TNS3: variants seen among roughly 807,000 people sequenced by gnomAD.
TNS3 encodes tensin 3.
A neutral mutation model predicts 140.9 loss-of-function variants in TNS3; 45 were observed. That is an observed-to-expected ratio of 0.32 (90% CI 0.25 to 0.41). The LOEUF (loss-of-function observed/expected upper bound fraction) is 0.41. TNS3 is among the 10% of genes least tolerant of loss of function. The pLI is 1.00. For synonymous variants in TNS3, 815 were observed against 788.4 expected (o/e 1.03, Z -0.56); for missense variants, 1,716 against 1,906.7 (o/e 0.90, Z 1.86).
At chr7:47,308,206 T>A (rs980175538) in intron 20 of TNS3, among the ~76,000 whole-genome samples, 2 of 152,338 alleles carry the variant, frequency 1.3e-5, no homozygotes, top group African/African-American at 4.8e-5. Context: ...GTTGAGACTA[T>A]CTATTCTTCA....
intron 16 of TNS3, among the ~76,000 whole-genome samples, chr7:47,380,769 C>T (rs113496472): frequency 5.6e-5 from 8 of 143,608 alleles, no homozygotes; most frequent in Non-Finnish European, 1.2e-4. Flanking sequence ...TGCACGCGCG[C>T]GCACACACAC....
chr7:47,459,798 G>A (rs80224796), intron 4 of TNS3, among the ~76,000 whole-genome samples: 41 of 152,260 alleles, frequency 2.7e-4, no homozygotes, highest in African/African-American at 6.3e-4. Context: ...AGGTAGCACC[G>A]TCCTCCTCCC....
intron 3 of TNS3, among the ~76,000 whole-genome samples, chr7:47,483,446 G>A (rs1180504236): frequency 6.6e-6 from 1 of 152,192 alleles, no homozygotes; most frequent in Non-Finnish European, 1.5e-5. Flanking sequence ...TGGGATTACA[G>A]GCGTGAGCCA....
Position 47,303,536 on chromosome 7 carries a change from C to T in TNS3, c.2871G>A (p.Met957Ile). 6.2e-7 allele frequency: 1 copy of T among 1,605,042 alleles called. No homozygotes were observed. Among genetic ancestry groups the T allele is most frequent in the Non-Finnish European group, 8.5e-7 (1 of 1,178,774 alleles). Reference sequence around the variant, plus strand: ...GCCGGCCGCTCCCCAGCAGGGAAACCATGGGCTTGGGGCTGCTCTCCACCC... The same window carrying T: ...GCCGGCCGCTCCCCAGCAGGGAAACTATGGGCTTGGGGCTGCTCTCCACCC... ...RQWVESSPKP[M>I]VSLLGSGRPT... The change falls in exon 22 of 31, where the codon ATG becomes ATA. Residue 957 changes from methionine (M) to isoleucine (I), a missense_variant. Met to Ile is a conservative substitution (Grantham distance 10). Coordinates refer to ENST00000311160, the MANE Select transcript of TNS3 (RefSeq NM_022748.12).
At chr7:47,493,573 C>T (rs2151835447) in intron 3 of TNS3, among the ~76,000 whole-genome samples, 1 of 151,690 alleles carries the variant, frequency 6.6e-6, no homozygotes, top group African/African-American at 2.4e-5. Context: ...AATCCCAGCA[C>T]TTTGGGAGGC....
intron 1 of TNS3, among the ~76,000 whole-genome samples, chr7:47,540,491 A>G (rs1209856493): frequency 6.6e-6 from 1 of 152,168 alleles, no homozygotes; most frequent in Non-Finnish European, 1.5e-5. Context: ...GTCACTGGAA[A>G]CTGGAGGCTG....
At chr7:47,565,357 G>A (rs1233945439) in intron 1 of TNS3, among the ~76,000 whole-genome samples, 1 of 150,434 alleles carries the variant, frequency 6.6e-6, no homozygotes, top group Non-Finnish European at 1.5e-5. Context: ...TTACAGGCAT[G>A]AGCCACCGCG....
chr7:47,454,308 G>A (rs1796155246), intron 4 of TNS3, among the ~76,000 whole-genome samples: 1 of 152,224 alleles, frequency 6.6e-6, no homozygotes, highest in Non-Finnish European at 1.5e-5. Flanking sequence ...AGACACAGCA[G>A]TGACGGCAGG....
intron 28 of TNS3, among the ~76,000 whole-genome samples, chr7:47,282,497 G>A (rs541784726): frequency 1.4e-3 from 214 of 151,738 alleles, no homozygotes; most frequent in Admixed American, 2.8e-3. Context: ...CCCTGACCCT[G>A]AGAACACAGT....
At chr7:47,343,813 T>C (rs1169105362) in intron 20 of TNS3, among the ~76,000 whole-genome samples, 1 of 152,196 alleles carries the variant, frequency 6.6e-6, no homozygotes, top group African/African-American at 2.4e-5. Context: ...ATATGCTACA[T>C]ATGAAGAGAG....
chr7:47,432,545 G>T (rs1324816363), intron 8 of TNS3, among the ~76,000 whole-genome samples: 1 of 152,200 alleles, frequency 6.6e-6, no homozygotes, highest in Non-Finnish European at 1.5e-5. Flanking sequence ...TGCAAACTCT[G>T]CCAGAAAGCT....
In TNS3 at chr7:47,525,890, C is replaced by T. The variant is rs7782968; in HGVS notation, c.-153+3146G>A. ...GCCACATATTTAAAATACCACAAAA[C>T]AGAGTTCATTTGGAACCAGAGGATC... On this transcript the variant is annotated intron_variant, in intron 2 of 30. Transcript: ENST00000311160. 8.6e-3 allele frequency among the ~76,000 whole-genome samples: 1,310 copies of T among 152,326 alleles called. 15 individuals carry two copies. Among genetic ancestry groups the T allele is most frequent in the African/African-American group, 0.031 (1,271 of 41,564 alleles).
At chr7:47,438,039 AAATAATAATAAT>A (rs56039512) in intron 6 of TNS3, among the ~76,000 whole-genome samples, 19,352 of 147,610 alleles carry the variant, frequency 0.13, 1,888 homozygotes, top group African/African-American at 0.27. Context: ...TTCAAAATGA[AAATAATAATAAT>A]AATAATAATA....
chr7:47,486,065 A>AGTGT (rs1052327250), intron 3 of TNS3, among the ~76,000 whole-genome samples: 2 of 148,314 alleles, frequency 1.3e-5, no homozygotes, highest in Non-Finnish European at 3.0e-5. Flanking sequence ...TGTGTGGGTG[A>AGTGT]GTGTGTGTGT....
intron 2 of TNS3, among the ~76,000 whole-genome samples, chr7:47,526,559 A>T (rs334524): frequency 0.59 from 90,358 of 152,172 alleles, 29,561 homozygotes; most frequent in Non-Finnish European, 0.72. Flanking sequence ...TGTCAGGGGC[A>T]GGGCCAGGAC....
chr7:47,454,836 T>A (rs529284976), intron 4 of TNS3, among the ~76,000 whole-genome samples: 1 of 152,222 alleles, frequency 6.6e-6, no homozygotes, highest in East Asian at 1.9e-4. Context: ...GGAAGTGCCT[T>A]CTCTAGAAGG....
chr7:47,424,777 G>A (rs1794562034), intron 9 of TNS3, among the ~76,000 whole-genome samples: 1 of 152,198 alleles, frequency 6.6e-6, no homozygotes, highest in Non-Finnish European at 1.5e-5. Context: ...CACTGGGGTT[G>A]GAAAGGTGTC....
intron 2 of TNS3, among the ~76,000 whole-genome samples, chr7:47,524,136 C>T (rs941144084): frequency 1.3e-5 from 2 of 152,236 alleles, no homozygotes; most frequent in African/African-American, 4.8e-5. Context: ...TGCAGCACTG[C>T]CTGCCAGCAC....
At position 47,414,771 on chromosome 7, in the gene TNS3, A is replaced by G. The variant is rs554060492; in HGVS notation, c.586+323T>C. Among the ~76,000 whole-genome samples the G allele has an allele frequency of 5.9e-5, 9 of 152,296 alleles. No homozygotes were observed. In the South Asian group the frequency reaches 1.7e-3, roughly 28 times the overall value. ...GGCTTCTTCCATGGCTTGTGACCTC[A>G]AGGCCAACTGCACAGCTGACCCACT... On this transcript the variant is annotated intron_variant, in intron 11 of 30. Coordinates refer to ENST00000311160, the MANE Select transcript of TNS3 (RefSeq NM_022748.12).
Sources: allele counts gnomAD v4.1 joint callset (sites outside exome capture counted in the v4.1 genomes callset), GRCh38; gene constraint gnomAD v4.1.1; transcripts MANE v1.5; gene names NCBI Gene and HGNC (gene_info 2026-07-23, HGNC 2026-07-21).